The following HS6ST3 variants were observed in gnomAD, a reference collection of about 807,000 sequenced individuals.
HS6ST3 encodes heparan-sulfate 6-O-sulfotransferase 3.
A neutral mutation model predicts 36.7 loss-of-function variants in HS6ST3; 12 were observed. That is an observed-to-expected ratio of 0.33 (90% CI 0.21 to 0.53). The LOEUF is 0.53. HS6ST3 is among the 20% of genes least tolerant of loss of function. HS6ST3 has a pLI of 0.95. For missense variants in HS6ST3, 584 were observed against 640.9 expected, an observed-to-expected ratio of 0.91 and a Z score of 0.96; for synonymous variants, 240 against 257.5, an observed-to-expected ratio of 0.93 and a Z score of 0.65.
intron 1 of HS6ST3, among the ~76,000 whole-genome samples, chr13:96,680,627 G>T (rs1225304950): frequency 6.6e-6 from 1 of 152,134 alleles, no homozygotes; most frequent in African/African-American, 2.4e-5. Context: ...CTCCTAAGAG[G>T]TTAGATCACA....
chr13:96,677,204 T>A (rs2056701616), intron 1 of HS6ST3, among the ~76,000 whole-genome samples: 1 of 152,110 alleles, frequency 6.6e-6, no homozygotes, highest in Admixed American at 6.6e-5. Flanking sequence ...CTGTATTTAA[T>A]TGGGTTGTTT....
At chr13:96,714,870 A>T (rs1245937492) in intron 1 of HS6ST3, among the ~76,000 whole-genome samples, 3 of 151,006 alleles carry the variant, frequency 2.0e-5, no homozygotes, top group Non-Finnish European at 4.4e-5. Context: ...AGTTAATTTA[A>T]TTTTTTTTTC....
chr13:96,320,829 C>T (rs940780275), intron 1 of HS6ST3, among the ~76,000 whole-genome samples: 3 of 152,180 alleles, frequency 2.0e-5, no homozygotes, highest in Admixed American at 6.5e-5. Flanking sequence ...CTGTTGACTT[C>T]GGTCCTTGGG....
intron 1 of HS6ST3, among the ~76,000 whole-genome samples, chr13:96,590,257 C>G (rs991237211): frequency 6.6e-6 from 1 of 152,096 alleles, no homozygotes; most frequent in African/African-American, 2.4e-5. Context: ...TTTGAGGAAC[C>G]TCCAAACTGT....
At chr13:96,740,167 C>T (rs1459750888) in intron 1 of HS6ST3, among the ~76,000 whole-genome samples, 2 of 152,170 alleles carry the variant, frequency 1.3e-5, no homozygotes, top group Non-Finnish European at 1.5e-5. Flanking sequence ...TCTCCCCACA[C>T]CAGAATGTAC....
intron 1 of HS6ST3, among the ~76,000 whole-genome samples, chr13:96,338,840 C>A (rs569107485): frequency 6.6e-6 from 1 of 152,280 alleles, no homozygotes; most frequent in South Asian, 2.1e-4. Context: ...CAATTCCATC[C>A]ATCAGATTTC....
intron 1 of HS6ST3, among the ~76,000 whole-genome samples, chr13:96,432,331 A>G (rs540880243): frequency 6.6e-6 from 1 of 152,318 alleles, no homozygotes; most frequent in African/African-American, 2.4e-5. Flanking sequence ...GAGAAACTTT[A>G]TAGTGTTATA....
At chr13:96,413,239 A>G (rs2055516988) in intron 1 of HS6ST3, among the ~76,000 whole-genome samples, 1 of 152,206 alleles carries the variant, frequency 6.6e-6, no homozygotes, top group East Asian at 1.9e-4. Flanking sequence ...TACTGCCATG[A>G]GTATTATTTA....
At chr13:96,326,088 CAAAT>C (rs1193385497) in intron 1 of HS6ST3, among the ~76,000 whole-genome samples, 2 of 151,436 alleles carry the variant, frequency 1.3e-5, no homozygotes, top group African/African-American at 4.9e-5. Context: ...AAACTGTACT[CAAAT>C]AATAATATTG....
At chr13:96,099,341 T>G (rs895030981) in intron 1 of HS6ST3, among the ~76,000 whole-genome samples, 4 of 152,336 alleles carry the variant, frequency 2.6e-5, no homozygotes, top group Middle Eastern at 3.4e-3. Context: ...AAAAATGAAT[T>G]TTCAAGCTGT....
chr13:96,830,998 A>C (rs1878768388), intron 1 of HS6ST3, among the ~76,000 whole-genome samples: 1 of 152,140 alleles, frequency 6.6e-6, no homozygotes. Flanking sequence ...TGACAAATGG[A>C]CTTCCAGACT....
chr13:96,446,844 C>G (rs936460515), intron 1 of HS6ST3, among the ~76,000 whole-genome samples: 1 of 152,176 alleles, frequency 6.6e-6, no homozygotes, highest in Non-Finnish European at 1.5e-5. Context: ...AGTTCGCCCT[C>G]GAAATGTGGC....
At chr13:96,636,390 T>C (rs1051191103) in intron 1 of HS6ST3, among the ~76,000 whole-genome samples, 27 of 152,152 alleles carry the variant, frequency 1.8e-4, no homozygotes, top group Non-Finnish European at 3.5e-4. Context: ...CTGCACTTCA[T>C]ACCTACTGAC....
At chr13:96,248,411 A>C (rs1230822793) in intron 1 of HS6ST3, among the ~76,000 whole-genome samples, 2 of 152,138 alleles carry the variant, frequency 1.3e-5, no homozygotes, top group Non-Finnish European at 2.9e-5. Flanking sequence ...GTCTAATTTA[A>C]ATAGGATCTT....
At chr13:96,324,478 A>G (rs1410411361) in intron 1 of HS6ST3, among the ~76,000 whole-genome samples, 1 of 152,220 alleles carries the variant, frequency 6.6e-6, no homozygotes, top group Non-Finnish European at 1.5e-5. Flanking sequence ...AAGGGAAGAG[A>G]TGACAAATGC....
At chr13:96,377,145 A>C (rs2055318988) in intron 1 of HS6ST3, among the ~76,000 whole-genome samples, 1 of 150,860 alleles carries the variant, frequency 6.6e-6, no homozygotes, top group Non-Finnish European at 1.5e-5. Flanking sequence ...TGGGAGGATT[A>C]CTTGAGCCCA....
intron 1 of HS6ST3, among the ~76,000 whole-genome samples, chr13:96,161,972 AT>A (rs1221394942): frequency 1.3e-5 from 2 of 152,234 alleles, no homozygotes; most frequent in African/African-American, 2.4e-5. Flanking sequence ...ATGTCTTCAC[AT>A]TTATAAACAA....
At chr13:96,378,503 C>T (rs543438627) in intron 1 of HS6ST3, among the ~76,000 whole-genome samples, 2 of 152,306 alleles carry the variant, frequency 1.3e-5, no homozygotes, top group South Asian at 4.1e-4. Flanking sequence ...CCTTGCTTGG[C>T]TTTATCCATC....
rs527236669 is a variant in HS6ST3, at chr13:96,486,680, G to A, written c.708-345810G>A. On this transcript the variant is annotated intron_variant, in intron 1 of 1. Coordinates refer to ENST00000376705, the MANE Select transcript of HS6ST3 (RefSeq NM_153456.4). Reference sequence around the variant, plus strand: ...AAATGTCTTCTTTTGAGAAGTGTCTGTTCATATCCTTTGCCCACTTTTTGA... The same window carrying A: ...AAATGTCTTCTTTTGAGAAGTGTCTATTCATATCCTTTGCCCACTTTTTGA... 2.0e-5 allele frequency among the ~76,000 whole-genome samples: 3 copies of A among 152,264 alleles called. No individual in the cohort carries two copies. The South Asian group carries it at 6.2e-4, about 32-fold the overall frequency.
Sources: allele counts gnomAD v4.1 joint callset (sites outside exome capture counted in the v4.1 genomes callset), GRCh38; gene constraint gnomAD v4.1.1; transcripts MANE v1.5; gene names NCBI Gene and HGNC (gene_info 2026-07-23, HGNC 2026-07-21).